HOOK3: variants seen among roughly 807,000 people sequenced by gnomAD.
HOOK3 encodes protein Hook homolog 3.
A neutral mutation model predicts 116.3 loss-of-function variants in HOOK3; 24 were observed. The ratio of observed to expected loss-of-function variants is 0.21; its 90% CI spans 0.15 to 0.29. HOOK3 has a LOEUF of 0.29. HOOK3 is among the 10% of genes least tolerant of loss of function. The pLI, the probability that HOOK3 is intolerant of heterozygous loss-of-function variation, is 1.00. For synonymous variants in HOOK3, 275 were observed against 283.0 expected (o/e 0.97, Z 0.28); for missense variants, 632 against 830.2 (o/e 0.76, Z 2.93).
chr8:42,899,757 C>T (rs1313896390), intron 1 of HOOK3, among the ~76,000 whole-genome samples: 1 of 152,216 alleles, frequency 6.6e-6, no homozygotes, highest in Non-Finnish European at 1.5e-5. Context: ...TGACACTCAG[C>T]AAAATGCAGA....
At chr8:42,955,085 C>T (rs796533770) in intron 6 of HOOK3, among the ~76,000 whole-genome samples, 4 of 152,276 alleles carry the variant, frequency 2.6e-5, no homozygotes, top group African/African-American at 7.2e-5. Flanking sequence ...AATAGTGACA[C>T]CAGTTTTGTG....
At chr8:42,987,522 G>A (rs1809070873) in intron 15 of HOOK3, among the ~76,000 whole-genome samples, 2 of 152,214 alleles carry the variant, frequency 1.3e-5, no homozygotes, top group Admixed American at 1.3e-4. Flanking sequence ...GGGGAGAGCA[G>A]TAGCTCCCTC....
intron 4 of HOOK3, among the ~76,000 whole-genome samples, chr8:42,931,454 C>CG (rs1400098471): frequency 8.9e-6 from 1 of 111,818 alleles, no homozygotes; most frequent in Non-Finnish European, 1.7e-5. Flanking sequence ...TTTTTTGAGA[C>CG]GGAGTCTCGC....
Position 43,030,410 on chromosome 8 carries a change from T to C in HOOK3, c.*11912T>C, listed in dbSNP as rs1480455893. 1.7e-5 allele frequency: 3 copies of C among 178,918 alleles called. No homozygotes were observed. Among genetic ancestry groups the C allele is most frequent in the African/African-American group, 2.4e-5 (1 of 42,342 alleles). The allele number at this position is 178,918 out of a possible 1,614,324, so 11.1% of individuals were successfully genotyped here. On this transcript the variant is annotated 3_prime_UTR_variant, in exon 22 of 22. Coordinates refer to ENST00000307602, the MANE Select transcript of HOOK3 (RefSeq NM_032410.4). ...TATGTATGCATATAATATATGTATATGTATATGAAGAATAAAGTTAAGATT... is the reference window on the plus strand; with the variant it reads ...TATGTATGCATATAATATATGTATACGTATATGAAGAATAAAGTTAAGATT...
rs1271534153 is a variant in HOOK3 at position 43,022,060 on chromosome 8, TG to T, written c.*3563del. The T allele has an allele frequency of 5.3e-6, 1 of 190,186 alleles. No individual in the cohort carries two copies. The highest frequency in any genetic ancestry group is 2.5e-5 in the African/African-American group (1 of 40,538). The allele number at this position is 190,186 out of a possible 1,614,324, so 11.8% of individuals were successfully genotyped here. ...AATTATATTTCTAAACATTTTATGA[TG>T]TTTAAAAACAAAACAGGCTGTTGTA... On this transcript the variant is annotated 3_prime_UTR_variant, in exon 22 of 22. Coordinates refer to ENST00000307602, the MANE Select transcript of HOOK3 (RefSeq NM_032410.4).
At chr8:42,973,221 T>C (rs1808757851) in intron 11 of HOOK3, 68 bp from the exon 12 acceptor site, 2 of 1,515,872 alleles carry the variant, frequency 1.3e-6, no homozygotes, top group Non-Finnish European at 1.8e-6. Flanking sequence ...CTTAAACCTG[T>C]AGAAGAAAAT....
rs1809927757 is a variant in HOOK3 at position 43,026,040 on chromosome 8, A to G, written c.*7542A>G. On this transcript the variant is annotated 3_prime_UTR_variant, in exon 22 of 22. Transcript: ENST00000307602. The stretch of plus-strand genomic sequence containing the variant: ...AGAAAAGCAACTCCTACTTGAGAGA[A>G]AGAAGACTACCAAAGCATGTTGAGG... The G allele has an allele frequency of 9.5e-6, 2 of 209,682 alleles. No individual in the cohort carries two copies. 13.0% of individuals were successfully genotyped at this position (209,682 alleles called of 1,614,324 possible). A position where few individuals can be genotyped will look rare whatever the true frequency, so the allele number is the denominator to read the frequency against.
intron 2 of HOOK3, among the ~76,000 whole-genome samples, chr8:42,920,272 T>A (rs1807631330): frequency 6.6e-6 from 1 of 152,224 alleles, no homozygotes; most frequent in Non-Finnish European, 1.5e-5. Context: ...TTATATTGTT[T>A]TATTCGAGCC....
chr8:43,006,263 G>A (rs1394695423), intron 17 of HOOK3, among the ~76,000 whole-genome samples: 2 of 149,838 alleles, frequency 1.3e-5, no homozygotes, highest in African/African-American at 2.5e-5. Context: ...CTCGTGATCC[G>A]CCTGCCTCAG....
intron 8 of HOOK3, among the ~76,000 whole-genome samples, chr8:42,960,316 C>G (rs1808513128): frequency 6.6e-6 from 1 of 152,056 alleles, no homozygotes; most frequent in Admixed American, 6.6e-5. Flanking sequence ...ACAGTATGGT[C>G]CTTTACACCA....
chr8:42,901,212 G>C (rs1047718651), intron 1 of HOOK3, among the ~76,000 whole-genome samples: 1 of 152,158 alleles, frequency 6.6e-6, no homozygotes, highest in African/African-American at 2.4e-5. Context: ...TTGTTGGGGA[G>C]GGGGAGGTAG....
At chr8:42,944,542 C>T (rs780688553) in intron 5 of HOOK3, among the ~76,000 whole-genome samples, 2 of 150,776 alleles carry the variant, frequency 1.3e-5, no homozygotes, top group Admixed American at 6.6e-5. Flanking sequence ...TTAATGGGGC[C>T]GGGCGCAGTG....
intron 5 of HOOK3, chr8:42,949,264 A>C (rs1808293501): frequency 6.6e-6 from 1 of 152,180 alleles, no homozygotes; most frequent in Admixed American, 6.5e-5. Context: ...AAGGCAAGAA[A>C]TTGTTTTCAA....
At chr8:42,903,338 CTTTTTTTTTTTT>C (rs1164136399) in intron 1 of HOOK3, among the ~76,000 whole-genome samples, 1 of 87,588 alleles carries the variant, frequency 1.1e-5, no homozygotes, top group African/African-American at 4.7e-5. Flanking sequence ...TAATAGTTGT[CTTTTTTTTTTTT>C]TTTTTTTTTT....
At chr8:42,926,259 T>G (rs181844505) in intron 3 of HOOK3, among the ~76,000 whole-genome samples, 7 of 152,310 alleles carry the variant, frequency 4.6e-5, no homozygotes, top group Admixed American at 4.6e-4. Context: ...GTTTGCGTAA[T>G]CCACCAAATT....
chr8:42,906,352 G>C, intron 2 of HOOK3, 94 bp downstream of exon 2: 2 of 871,854 alleles, frequency 2.3e-6, no homozygotes, highest in Non-Finnish European at 1.9e-6. Flanking sequence ...CATGAAACGT[G>C]TGTAGAGTAA....
intron 2 of HOOK3, among the ~76,000 whole-genome samples, chr8:42,921,258 G>C (rs1405661861): frequency 6.6e-6 from 1 of 151,968 alleles, no homozygotes; most frequent in Non-Finnish European, 1.5e-5. Context: ...GTAGGTTCTG[G>C]TGGGTTCATG....
chr8:42,975,556 A>G lies in HOOK3; in HGVS notation c.1321+1362A>G, dbSNP rs202116717. ...CAGAAAGGCTTCCCAAAGACACGGGATGAGTCAAGAAGGAATGATAGGGCT... is the reference window on the plus strand; with the variant it reads ...CAGAAAGGCTTCCCAAAGACACGGGGTGAGTCAAGAAGGAATGATAGGGCT... On this transcript the variant is annotated intron_variant, in intron 13 of 21. Transcript: ENST00000307602. 1.3e-4 allele frequency among the ~76,000 whole-genome samples: 20 copies of G among 152,326 alleles called. No homozygotes were observed. The East Asian group carries it at 3.3e-3, about 25-fold the overall frequency.
chr8:42,961,763 T>A (rs77813214), intron 8 of HOOK3, among the ~76,000 whole-genome samples: 2,326 of 152,314 alleles, frequency 0.015, 32 homozygotes, highest in Non-Finnish European at 0.022. Flanking sequence ...TTTGCTTTGT[T>A]ATTTTCTTAA....
Sources: gnomAD v4.1 joint callset for allele counts (sites outside exome capture counted in the v4.1 genomes callset) on GRCh38, gnomAD v4.1.1 for gene constraint, MANE v1.5 for transcripts, NCBI Gene and HGNC (gene_info 2026-07-23, HGNC 2026-07-21) for gene names.